The following PCDHA3 variants were observed in gnomAD, a reference collection of about 807,000 sequenced individuals.
The protein encoded by PCDHA3 is protocadherin alpha 3.
A neutral mutation model predicts 62.2 loss-of-function variants in PCDHA3; 41 were observed. The ratio of observed to expected loss-of-function variants is 0.66; its 90% CI spans 0.51 to 0.86. The LOEUF is 0.86. Ranked by LOEUF, PCDHA3 falls within the 40% of genes least tolerant of loss-of-function variation. The pLI is 0.00. For missense variants in PCDHA3, 1,304 were observed against 1,241.2 expected (o/e 1.05, Z -0.76); for synonymous variants, 640 against 555.4 (o/e 1.15, Z -2.14).
chr5:140,981,185 T>C (rs2096921770), intron 2 of PCDHA3, among the ~76,000 whole-genome samples: 1 of 152,224 alleles, frequency 6.6e-6, no homozygotes. Flanking sequence ...TAGTTCAAGT[T>C]TGCCTGCTCT....
chr5:140,929,927 G>A (rs2086481303), intron 1 of PCDHA3: 1 of 152,202 alleles, frequency 6.6e-6, no homozygotes, highest in Non-Finnish European at 1.5e-5. Flanking sequence ...ATAAAAAACA[G>A]TGTATTCTCT....
chr5:140,876,283 G>T, intron 1 of PCDHA3: 1 of 1,614,056 alleles, frequency 6.2e-7, no homozygotes, highest in Non-Finnish European at 8.5e-7. Context: ...CGATCCAGAC[G>T]AAGGACTTAA....
chr5:141,000,828 G>A (rs1244334845), intron 3 of PCDHA3, among the ~76,000 whole-genome samples: 2 of 151,966 alleles, frequency 1.3e-5, no homozygotes, highest in African/African-American at 4.8e-5. Flanking sequence ...GATCACTTGA[G>A]TCCAGGAGAT....
intron 1 of PCDHA3, chr5:140,834,744 G>A (rs1554134479): frequency 2.5e-6 from 4 of 1,614,214 alleles, no homozygotes; most frequent in Non-Finnish European, 3.4e-6. Flanking sequence ...CCATGTGGAC[G>A]TGGAGGTGAA....
In PCDHA3 at chr5:140,982,523, G is replaced by A; in HGVS notation, c.2502G>A (p.Gly834=). Residue 834 remains glycine (G), a synonymous_variant, in exon 3 of 4, where the codon GGG becomes GGA. Coordinates refer to ENST00000522353, the MANE Select transcript of PCDHA3 (RefSeq NM_018906.3). ...EAGILRAGPG[G]PDQQWPTVSS... ...GCATTCTACGGGCTGGTCCAGGAGGGCCTGATCAGCAGTGGCCAACAGTAT... is the reference window on the plus strand; with the variant it reads ...GCATTCTACGGGCTGGTCCAGGAGGACCTGATCAGCAGTGGCCAACAGTAT... 6.2e-7 allele frequency: 1 copy of A among 1,614,220 alleles called. No individual in the cohort carries two copies. The highest frequency in any genetic ancestry group is 8.5e-7 in the Non-Finnish European group (1 of 1,180,034).
intron 1 of PCDHA3, chr5:140,930,486 G>T (rs1211564539): frequency 6.6e-6 from 1 of 152,320 alleles, no homozygotes; most frequent in Non-Finnish European, 1.5e-5. Flanking sequence ...GCCTCCCAAA[G>T]TGCTGGGATT....
At chr5:140,807,579 C>T (rs1355762346) in intron 1 of PCDHA3, 4 of 1,614,044 alleles carry the variant, frequency 2.5e-6, no homozygotes, top group African/African-American at 1.3e-5. Context: ...GATAACCCGC[C>T]GGTGTTCCCA....
At chr5:141,003,663 A>G (rs1298864445) in intron 3 of PCDHA3, among the ~76,000 whole-genome samples, 4 of 152,204 alleles carry the variant, frequency 2.6e-5, no homozygotes, top group Non-Finnish European at 5.9e-5. Flanking sequence ...CATTTATTAA[A>G]ATATATGTTG....
At chr5:140,857,771 GCAGT>G in intron 1 of PCDHA3, 1 of 1,597,658 alleles carries the variant, frequency 6.3e-7, no homozygotes, top group Non-Finnish European at 8.6e-7. Context: ...CGCGGGCGGT[GCAGT>G]CAGTGAGCTG....
At chr5:141,000,421 AT>A (rs34755515) in intron 3 of PCDHA3, among the ~76,000 whole-genome samples, 491 of 27,806 alleles carry the variant, frequency 0.018, 4 homozygotes, top group South Asian at 0.021. Flanking sequence ...ATATATATAT[AT>A]TTTTTTTTTT....
rs190283736 is a variant in PCDHA3 at position 140,986,671 on chromosome 5, A to G, written c.2542+4108A>G. 1.7e-3 allele frequency among the ~76,000 whole-genome samples: 261 copies of G among 152,322 alleles called. 3 individuals carry two copies. The highest frequency in any genetic ancestry group is 2.2e-4 in the Non-Finnish European group (15 of 68,018). ...GTGGGAGATGCTCACAGTTTTCAGA[A>G]GAGTTCAGAAAGTTTCAAAACACAC... On this transcript the variant is annotated intron_variant, in intron 3 of 3. Coordinates refer to ENST00000522353, the MANE Select transcript of PCDHA3 (RefSeq NM_018906.3).
intron 1 of PCDHA3, among the ~76,000 whole-genome samples, chr5:140,890,818 A>G (rs1170693390): frequency 1.3e-5 from 2 of 152,204 alleles, no homozygotes; most frequent in African/African-American, 4.8e-5. Flanking sequence ...ATTGTTTTAA[A>G]TGTACTTACA....
chr5:140,823,213 G>A, intron 1 of PCDHA3: 1 of 1,613,778 alleles, frequency 6.2e-7, no homozygotes, highest in Non-Finnish European at 8.5e-7. Flanking sequence ...GTCTGCACGG[G>A]ACGCGGACGC....
chr5:140,857,290 C>A (rs781985413), intron 1 of PCDHA3: 2 of 1,598,706 alleles, frequency 1.3e-6, no homozygotes, highest in South Asian at 1.1e-5. Flanking sequence ...CTCTGGACCG[C>A]GAGAGGGTGT....
At chr5:140,914,921 T>C (rs895344325) in intron 1 of PCDHA3, among the ~76,000 whole-genome samples, 1 of 151,508 alleles carries the variant, frequency 6.6e-6, no homozygotes, top group Non-Finnish European at 1.5e-5. Context: ...TGTGTCTTAT[T>C]GTACTATGTT....
chr5:140,873,286 A>C (rs1337353218), intron 1 of PCDHA3, among the ~76,000 whole-genome samples: 3 of 152,246 alleles, frequency 2.0e-5, no homozygotes, highest in African/African-American at 7.2e-5. Flanking sequence ...ACCACTTATG[A>C]AACTTTATAA....
chr5:140,807,797 G>C, intron 1 of PCDHA3: 1 of 1,614,150 alleles, frequency 6.2e-7, no homozygotes, highest in Non-Finnish European at 8.5e-7. Context: ...AGACAGAGAA[G>C]AAGCTCCGGA....
chr5:140,987,407 T>C (rs1301920693), intron 3 of PCDHA3, among the ~76,000 whole-genome samples: 3 of 152,148 alleles, frequency 2.0e-5, no homozygotes, highest in Non-Finnish European at 4.4e-5. Flanking sequence ...CATCTGTTTA[T>C]GGTTCTTGTG....
intron 1 of PCDHA3, chr5:140,850,281 G>A: frequency 6.3e-7 from 1 of 1,595,580 alleles, no homozygotes. Context: ...GAAGGTGCGC[G>A]CAGTGGACGC....
Sources: gnomAD v4.1 joint callset for allele counts (sites outside exome capture counted in the v4.1 genomes callset) on GRCh38, gnomAD v4.1.1 for gene constraint, MANE v1.5 for transcripts, NCBI Gene and HGNC (gene_info 2026-07-23, HGNC 2026-07-21) for gene names.